ZMAT5: variants seen among roughly 807,000 people sequenced by gnomAD.
ZMAT5 encodes the protein zinc finger matrin-type protein 5.
In ZMAT5, 23 loss-of-function variants were observed where a neutral mutation model predicts 28.0. The ratio of observed to expected loss-of-function variants is 0.82; its 90% CI spans 0.59 to 1.16. The LOEUF (loss-of-function observed/expected upper bound fraction) is 1.16. Ranked by LOEUF, ZMAT5 falls within the 50% of genes most tolerant of loss-of-function variation. The probability of loss-of-function intolerance (pLI) is 0.00; values close to 1 mark genes in which losing one functional copy is unlikely to be tolerated. For synonymous variants in ZMAT5, 76 were observed against 84.1 expected (o/e 0.90, Z 0.52); for missense variants, 173 against 212.7 (o/e 0.81, Z 1.16).
chr22:29,737,419 C>T (rs1029755719), intron 5 of ZMAT5, among the ~76,000 whole-genome samples: 2 of 152,242 alleles, frequency 1.3e-5, no homozygotes, highest in African/African-American at 4.8e-5. Flanking sequence ...CACCTCCTGG[C>T]AGAGCTCCAA....
At chr22:29,764,354 G>A (rs2068187258) in intron 1 of ZMAT5, among the ~76,000 whole-genome samples, 2 of 152,154 alleles carry the variant, frequency 1.3e-5, no homozygotes, top group South Asian at 2.1e-4. Context: ...ACCACAGTAA[G>A]GATAACTCAT....
intron 5 of ZMAT5, among the ~76,000 whole-genome samples, chr22:29,734,450 C>T (rs966250890): frequency 1.3e-5 from 2 of 152,190 alleles, no homozygotes; most frequent in Non-Finnish European, 2.9e-5. Flanking sequence ...GAGGGGGTCC[C>T]CCAGGCTTCC....
chr22:29,732,034 G>A (rs1031414297), intron 5 of ZMAT5, among the ~76,000 whole-genome samples: 1 of 152,200 alleles, frequency 6.6e-6, no homozygotes, highest in African/African-American at 2.4e-5. Flanking sequence ...CTGGAACTTG[G>A]GGTCCATGTA....
At chr22:29,748,601 C>T in intron 1 of ZMAT5, 30 bp from the exon 2 acceptor site, 3 of 1,610,014 alleles carry the variant, frequency 1.9e-6, no homozygotes, top group Admixed American at 3.3e-5. Context: ...TCAGATTAGA[C>T]CATTGGAGAA....
chr22:29,759,512 T>C (rs907340098), intron 1 of ZMAT5, among the ~76,000 whole-genome samples: 1 of 152,174 alleles, frequency 6.6e-6, no homozygotes, highest in Non-Finnish European at 1.5e-5. Flanking sequence ...CTCACACCTG[T>C]AACCCCAGCA....
At chr22:29,734,386 G>A (rs1253924484) in intron 5 of ZMAT5, among the ~76,000 whole-genome samples, 1 of 152,230 alleles carries the variant, frequency 6.6e-6, no homozygotes, top group Non-Finnish European at 1.5e-5. Flanking sequence ...AGGTGGGGTG[G>A]GCAGCTCTCT....
At chr22:29,733,045 G>T (rs1357624075) in intron 5 of ZMAT5, among the ~76,000 whole-genome samples, 1 of 152,188 alleles carries the variant, frequency 6.6e-6, no homozygotes, top group Non-Finnish European at 1.5e-5. Context: ...ATCCTCAGGC[G>T]AACCCCATTT....
chr22:29,738,594 G>A (rs2067930396), intron 4 of ZMAT5, among the ~76,000 whole-genome samples, 153 bp from the exon 5 acceptor site: 1 of 152,080 alleles, frequency 6.6e-6, no homozygotes, highest in African/African-American at 2.4e-5. Flanking sequence ...TGCTTCTCCA[G>A]GCCATCTGTG....
chr22:29,762,180 G>T (rs761070232), intron 1 of ZMAT5, among the ~76,000 whole-genome samples: 8 of 152,192 alleles, frequency 5.3e-5, no homozygotes, highest in Non-Finnish European at 1.0e-4. Flanking sequence ...TGGCAGGAAT[G>T]AAATTAAGCT....
chr22:29,760,435 T>C (rs1339519447), intron 1 of ZMAT5, among the ~76,000 whole-genome samples: 2 of 150,980 alleles, frequency 1.3e-5, no homozygotes, highest in Admixed American at 6.6e-5. Flanking sequence ...TCCCAGTTAC[T>C]TGGGAAGCTG....
chr22:29,762,298 A>G (rs2068164440), intron 1 of ZMAT5, among the ~76,000 whole-genome samples: 1 of 152,244 alleles, frequency 6.6e-6, no homozygotes, highest in Non-Finnish European at 1.5e-5. Context: ...TATGTATTGA[A>G]TAATAATTTC....
intron 2 of ZMAT5, among the ~76,000 whole-genome samples, chr22:29,744,092 T>C (rs1037808223): frequency 6.6e-6 from 1 of 152,160 alleles, no homozygotes; most frequent in African/African-American, 2.4e-5. Flanking sequence ...AGATAATGAA[T>C]GGAGAGTGCT....
At chr22:29,754,329 A>G (rs2068080552) in intron 1 of ZMAT5, among the ~76,000 whole-genome samples, 1 of 152,228 alleles carries the variant, frequency 6.6e-6, no homozygotes, top group Non-Finnish European at 1.5e-5. Flanking sequence ...GACCAGGTGC[A>G]CGGCTGCAAA....
At chr22:29,733,796 A>C (rs960093642) in intron 5 of ZMAT5, among the ~76,000 whole-genome samples, 3 of 152,210 alleles carry the variant, frequency 2.0e-5, no homozygotes, top group African/African-American at 7.2e-5. Flanking sequence ...TCCTGGGTCC[A>C]AGTCTCAGCC....
At chr22:29,762,876 G>A (rs532835224) in intron 1 of ZMAT5, among the ~76,000 whole-genome samples, 111 of 152,190 alleles carry the variant, frequency 7.3e-4, no homozygotes, top group South Asian at 2.9e-3. Flanking sequence ...GGGAAATTAC[G>A]TTTTTTAAAT....
chr22:29,761,224 G>T (rs1466427002), intron 1 of ZMAT5, among the ~76,000 whole-genome samples: 3 of 126,406 alleles, frequency 2.4e-5, no homozygotes, highest in Non-Finnish European at 4.7e-5. Context: ...AGTGAGCCGA[G>T]ATTGTGCCAC....
intron 1 of ZMAT5, 124 bp downstream of exon 1, chr22:29,766,748 C>T (rs2068217105): frequency 6.6e-6 from 1 of 152,570 alleles, no homozygotes; most frequent in African/African-American, 2.4e-5. Flanking sequence ...CTGGCCTAGA[C>T]TTGGGGCTGG....
At chr22:29,761,075 C>G (rs1181800064) in intron 1 of ZMAT5, among the ~76,000 whole-genome samples, 3 of 151,240 alleles carry the variant, frequency 2.0e-5, no homozygotes, top group African/African-American at 7.3e-5. Context: ...GAGATCGAGA[C>G]CATCCTGGCC....
rs546669557 is a variant in ZMAT5, at chr22:29,736,069, T to C, written c.383+2261A>G. Among the ~76,000 whole-genome samples the C allele has an allele frequency of 7.2e-5, 11 of 152,206 alleles. No homozygotes were observed. The East Asian group carries it at 2.1e-3, about 29-fold the overall frequency. On this transcript the variant is annotated intron_variant, in intron 5 of 5. Coordinates refer to ENST00000344318, the MANE Select transcript of ZMAT5 (RefSeq NM_001003692.2). ...CAGGGAGGCGAGTGGCTGGTGCAAC[T>C]CGGTTAGCAGGTGGCAGAGTGAGGA... is the stretch of plus-strand genomic sequence containing the variant.
Sources: allele counts gnomAD v4.1 joint callset (sites outside exome capture counted in the v4.1 genomes callset), GRCh38; gene constraint gnomAD v4.1.1; transcripts MANE v1.5; gene names NCBI Gene and HGNC (gene_info 2026-07-23, HGNC 2026-07-21).